The following ANO4 variants were observed in gnomAD, a reference collection of about 807,000 sequenced individuals.
The protein encoded by ANO4 is anoctamin-4.
ANO4 carries 69 observed loss-of-function variants against 141.9 expected under a neutral mutation model. The ratio of observed to expected loss-of-function variants is 0.49; its 90% CI spans 0.40 to 0.59. The LOEUF (loss-of-function observed/expected upper bound fraction) is 0.59, where lower values mean the gene tolerates loss of function less well. Among genes scored for constraint, ANO4 ranks in the 20% least tolerant of loss-of-function variants. The pLI is 0.00. For missense variants in ANO4, 894 were observed against 1,162.2 expected (o/e 0.77, Z 3.36); for synonymous variants, 350 against 394.3 (o/e 0.89, Z 1.33).
At chr12:101,094,091 G>T (rs1343844105) in intron 17 of ANO4, among the ~76,000 whole-genome samples, 165 bp from the exon 18 acceptor site, 1 of 152,064 alleles carries the variant, frequency 6.6e-6, no homozygotes, top group Non-Finnish European at 1.5e-5. Flanking sequence ...ATTACCAATG[G>T]ACTCCAAGAG....
chr12:100,733,787 C>G (rs766796380), exon 2 of ANO4: 13 of 701,978 alleles, frequency 1.9e-5, no homozygotes, highest in Non-Finnish European at 3.4e-5. Flanking sequence ...AAGATGTGAG[C>G]AGCGGAAGTT....
At chr12:101,050,710 T>G (rs1185182562) in intron 14 of ANO4, among the ~76,000 whole-genome samples, 2 of 152,138 alleles carry the variant, frequency 1.3e-5, no homozygotes, top group African/African-American at 4.8e-5. Flanking sequence ...TTCCTAAACT[T>G]TTCAGGTCAT....
At chr12:100,857,942 A>G (rs1267550296) in intron 1 of ANO4, among the ~76,000 whole-genome samples, 1 of 152,166 alleles carries the variant, frequency 6.6e-6, no homozygotes, top group Non-Finnish European at 1.5e-5. Context: ...AACCACTAGA[A>G]CCAGAAAAGA....
At chr12:100,939,233 A>C in intron 3 of ANO4, 82 bp from the exon 4 acceptor site, 3 of 1,388,292 alleles carry the variant, frequency 2.2e-6, no homozygotes, top group Non-Finnish European at 3.0e-6. Context: ...TATGAACCCA[A>C]AGGGAGATGT....
Position 100,920,234 on chromosome 12 carries a change from T to C in ANO4, c.56-1992T>C, listed in dbSNP as rs1348403739. On this transcript the variant is annotated intron_variant, in intron 2 of 27. Coordinates refer to ENST00000392977, the MANE Select transcript of ANO4 (RefSeq NM_001286615.2). ...ATCTCCAATAGCCTGTGTTTGTGAC[T>C]GCTTGGATATGGGTGATTTTAAAGA... Among the ~76,000 whole-genome samples the C allele has an allele frequency of 3.9e-5, 6 of 152,236 alleles. 1 individual carries two copies. Among genetic ancestry groups the C allele is most frequent in the African/African-American group, 1.4e-4 (6 of 41,548 alleles).
At chr12:100,876,855 G>A (rs1166974418) in intron 1 of ANO4, among the ~76,000 whole-genome samples, 6 of 152,098 alleles carry the variant, frequency 3.9e-5, no homozygotes, top group African/African-American at 7.2e-5. Context: ...GATTACTTTA[G>A]CTATGTAATA....
intron 7 of ANO4, among the ~76,000 whole-genome samples, chr12:100,978,284 G>A (rs2136297432): frequency 6.6e-6 from 1 of 152,348 alleles, no homozygotes; most frequent in South Asian, 2.1e-4. Flanking sequence ...AAGAAAAGAA[G>A]CATAGAAAAA....
At chr12:100,919,081 A>G (rs1025979480) in intron 2 of ANO4, among the ~76,000 whole-genome samples, 10 of 152,188 alleles carry the variant, frequency 6.6e-5, no homozygotes, top group Non-Finnish European at 1.2e-4. Context: ...AAGAAAGAAA[A>G]TATTTTTATG....
intron 3 of ANO4, among the ~76,000 whole-genome samples, chr12:100,938,112 T>C (rs184706987): frequency 7.6e-4 from 116 of 152,372 alleles, no homozygotes; most frequent in African/African-American, 2.6e-3. Context: ...CATTATATTT[T>C]ACAGATGAAA....
intron 1 of ANO4, among the ~76,000 whole-genome samples, chr12:100,882,356 A>C (rs2135960109): frequency 6.6e-6 from 1 of 152,328 alleles, no homozygotes; most frequent in East Asian, 1.9e-4. Context: ...ATAATTGTGA[A>C]TAACCAGCAT....
intron 1 of ANO4, among the ~76,000 whole-genome samples, chr12:100,804,040 C>G (rs1243190331): frequency 6.6e-6 from 1 of 151,912 alleles, no homozygotes; most frequent in Non-Finnish European, 1.5e-5. Flanking sequence ...GGTTTGCTGC[C>G]CAGATCAACC....
chr12:100,987,910 G>A (rs1300782924), intron 8 of ANO4, among the ~76,000 whole-genome samples: 1 of 152,102 alleles, frequency 6.6e-6, no homozygotes, highest in Non-Finnish European at 1.5e-5. Context: ...GTGTGTGTTG[G>A]GTAAATGATC....
intron 17 of ANO4, among the ~76,000 whole-genome samples, chr12:101,090,294 C>T (rs559953487): frequency 4.7e-4 from 72 of 152,318 alleles, no homozygotes; most frequent in East Asian, 1.9e-3. Context: ...AAGACACATG[C>T]ACACATATGT....
rs149400345 is a variant in ANO4, at chr12:100,944,951, C to T, written c.456+2416C>T. On this transcript the variant is annotated intron_variant, in intron 5 of 27. Transcript: ENST00000392977. ...AAATCAAGTTTTTTATAAGCAGCTA[C>T]AGCAGAAAGACAATTTTAATGGCGA... Among the ~76,000 whole-genome samples the T allele has an allele frequency of 1.6e-4, 24 of 152,254 alleles. No homozygotes were observed. In the East Asian group the frequency reaches 4.4e-3, roughly 28 times the overall value.
chr12:101,037,822 C>T (rs1566159647), intron 10 of ANO4, among the ~76,000 whole-genome samples: 1 of 152,148 alleles, frequency 6.6e-6, no homozygotes. Flanking sequence ...CTACTGTGGT[C>T]ACTATATGGC....
intron 3 of ANO4, among the ~76,000 whole-genome samples, chr12:100,784,386 A>G (rs906553820): frequency 6.6e-6 from 1 of 151,782 alleles, no homozygotes; most frequent in Non-Finnish European, 1.5e-5. Flanking sequence ...TTGATATGGT[A>G]CTCTTCCTCT....
chr12:101,081,610 C>T (rs1484820485), intron 15 of ANO4, among the ~76,000 whole-genome samples: 1 of 152,180 alleles, frequency 6.6e-6, no homozygotes, highest in Non-Finnish European at 1.5e-5. Context: ...TCGCTGCAGA[C>T]CTTCTGGGGC....
chr12:100,785,552 C>G (rs2033847729), intron 3 of ANO4, among the ~76,000 whole-genome samples: 1 of 152,136 alleles, frequency 6.6e-6, no homozygotes, highest in African/African-American at 2.4e-5. Flanking sequence ...TTAAGATTCC[C>G]TCATGTTCTT....
intron 9 of ANO4, among the ~76,000 whole-genome samples, chr12:101,020,432 A>G: frequency 6.6e-6 from 1 of 152,228 alleles, no homozygotes; most frequent in East Asian, 1.9e-4. Context: ...CATAGTTCTG[A>G]TCTGGAGCTT....
Sources: gnomAD v4.1 joint callset for allele counts (sites outside exome capture counted in the v4.1 genomes callset) on GRCh38, gnomAD v4.1.1 for gene constraint, MANE v1.5 for transcripts, NCBI Gene and HGNC (gene_info 2026-07-23, HGNC 2026-07-21) for gene names.